The following SNTG2 variants were observed in gnomAD, a reference collection of about 807,000 sequenced individuals.
SNTG2 encodes gamma-2-syntrophin.
A neutral mutation model predicts 70.9 loss-of-function variants in SNTG2; 74 were observed. That is an observed-to-expected ratio of 1.04 (90% CI 0.86 to 1.27). SNTG2 has a LOEUF of 1.27. SNTG2 is among the 50% of genes most tolerant of loss of function. The probability of loss-of-function intolerance (pLI) is 0.00; values close to 1 mark genes in which losing one functional copy is unlikely to be tolerated. For synonymous variants in SNTG2, 278 were observed against 273.8 expected, an observed-to-expected ratio of 1.02 and a Z score of -0.15; for missense variants, 717 against 690.7, an observed-to-expected ratio of 1.04 and a Z score of -0.43.
At chr2:1,267,996 C>T (rs1678838629) in intron 14 of SNTG2, among the ~76,000 whole-genome samples, 2 of 152,200 alleles carry the variant, frequency 1.3e-5, no homozygotes, top group Non-Finnish European at 2.9e-5. Context: ...ATGGTTCTTC[C>T]TCTCAAACTT....
At chr2:1,086,714 A>C (rs1007205058) in intron 2 of SNTG2, among the ~76,000 whole-genome samples, 1 of 152,238 alleles carries the variant, frequency 6.6e-6, no homozygotes, top group African/African-American at 2.4e-5. Flanking sequence ...CTGACAATTC[A>C]GGTTAAAAAT....
chr2:1,051,154 CTCT>C (rs1297834845), intron 1 of SNTG2, among the ~76,000 whole-genome samples: 1 of 145,890 alleles, frequency 6.9e-6, no homozygotes, highest in African/African-American at 2.5e-5. Flanking sequence ...TCCTCCCTCC[CTCT>C]CCCCCTTTCT....
At chr2:1,123,474 AT>A (rs1667508389) in intron 4 of SNTG2, among the ~76,000 whole-genome samples, 2 of 152,242 alleles carry the variant, frequency 1.3e-5, no homozygotes, top group South Asian at 4.1e-4. Flanking sequence ...AGTCTTTTCA[AT>A]AAATGTTGCT....
chr2:1,253,408 C>T (rs1677875317), intron 12 of SNTG2, among the ~76,000 whole-genome samples: 1 of 152,218 alleles, frequency 6.6e-6, no homozygotes, highest in Non-Finnish European at 1.5e-5. Flanking sequence ...GTCACTGCAC[C>T]ATCGTCCTTC....
intron 7 of SNTG2, among the ~76,000 whole-genome samples, chr2:1,166,914 A>G (rs1287192132): frequency 6.6e-6 from 1 of 152,102 alleles, no homozygotes; most frequent in African/African-American, 2.4e-5. Context: ...GGGTGGTTGG[A>G]CGAGACTCCA....
intron 1 of SNTG2, among the ~76,000 whole-genome samples, chr2:1,080,746 G>A (rs1396385761): frequency 6.6e-6 from 1 of 152,162 alleles, no homozygotes; most frequent in Non-Finnish European, 1.5e-5. Context: ...ATGTGGGTGT[G>A]TGTGCAGGTG....
At chr2:1,154,758 G>A (rs1403935293) in intron 6 of SNTG2, among the ~76,000 whole-genome samples, 3 of 152,102 alleles carry the variant, frequency 2.0e-5, no homozygotes, top group East Asian at 1.9e-4. Context: ...CTCTCCTACT[G>A]GCTGAGAAAC....
At chr2:1,307,875 C>T (rs1333939579) in intron 14 of SNTG2, among the ~76,000 whole-genome samples, 1 of 152,242 alleles carries the variant, frequency 6.6e-6, no homozygotes, top group Non-Finnish European at 1.5e-5. Flanking sequence ...TCAGAAGCGG[C>T]ACGTGCTGGT....
chr2:1,095,242 C>T (rs1249687235), intron 2 of SNTG2, among the ~76,000 whole-genome samples: 1 of 152,202 alleles, frequency 6.6e-6, no homozygotes, highest in African/African-American at 2.4e-5. Flanking sequence ...AGGACTTCAA[C>T]ACGGATTTTA....
chr2:1,268,465 C>T (rs1416578357), intron 14 of SNTG2, among the ~76,000 whole-genome samples: 2 of 152,172 alleles, frequency 1.3e-5, no homozygotes, highest in African/African-American at 4.8e-5. Flanking sequence ...ACACTGAGAT[C>T]TCTTAGTCCA....
chr2:1,054,856 C>T (rs1465072043), intron 1 of SNTG2, among the ~76,000 whole-genome samples: 1 of 152,104 alleles, frequency 6.6e-6, no homozygotes, highest in Admixed American at 6.5e-5. Context: ...TTAGGGTCTA[C>T]TATTAAGCAT....
intron 1 of SNTG2, among the ~76,000 whole-genome samples, chr2:1,071,513 AG>A (rs74164487): frequency 0.21 from 18,317 of 85,314 alleles, 1,546 homozygotes; most frequent in East Asian, 0.27. Context: ...GGGTGGGGGG[AG>A]GGGGGAGGGA....
At chr2:1,018,215 T>C (rs1659971814) in intron 1 of SNTG2, among the ~76,000 whole-genome samples, 1 of 152,222 alleles carries the variant, frequency 6.6e-6, no homozygotes, top group Admixed American at 6.5e-5. Flanking sequence ...GGCTGATTGC[T>C]GAAGTGGCTC....
rs779464531 is a variant in SNTG2, at chr2:1,259,388, G to A, written c.1024G>A (p.Val342Met). Residue 342 changes from valine (V) to methionine (M), a missense_variant, in exon 13 of 17, where the codon GTG (valine) becomes ATG (methionine). Val to Met is a conservative substitution (Grantham distance 21). Coordinates refer to ENST00000308624, the MANE Select transcript of SNTG2 (RefSeq NM_018968.4). ...STPPVSTFDW[V>M]RAERTYHLCE... The stretch of plus-strand genomic sequence containing the variant: ...CTTGCAGGTGAGCACATTCGATTGG[G>A]TGCGAGCAGAAAGGACCTATCACCT... 1 of 1,613,992 alleles carries A rather than the reference G, an allele frequency of 6.2e-7. No individual in the cohort carries two copies. Among genetic ancestry groups the A allele is most frequent in the East Asian group, 2.2e-5 (1 of 44,878 alleles).
At chr2:1,226,370 C>CTGA (rs757008878) in intron 9 of SNTG2, among the ~76,000 whole-genome samples, 47 of 152,288 alleles carry the variant, frequency 3.1e-4, no homozygotes, top group Non-Finnish European at 3.5e-4. Context: ...AGTCACCCAG[C>CTGA]TTCATAGAGG....
chr2:1,156,591 A>G (rs1355888163), intron 6 of SNTG2, among the ~76,000 whole-genome samples: 1 of 152,192 alleles, frequency 6.6e-6, no homozygotes, highest in Non-Finnish European at 1.5e-5. Context: ...CACAGAGTGC[A>G]GCCAGGGTGC....
intron 1 of SNTG2, among the ~76,000 whole-genome samples, chr2:1,054,979 G>C (rs1662300302): frequency 6.8e-6 from 1 of 146,234 alleles, no homozygotes; most frequent in East Asian, 2.0e-4. Flanking sequence ...TGATTCCTTT[G>C]GTCTTTATTT....
chr2:1,121,841 A>C (rs549128257), intron 4 of SNTG2, among the ~76,000 whole-genome samples: 31 of 152,330 alleles, frequency 2.0e-4, no homozygotes, highest in Admixed American at 1.7e-3. Flanking sequence ...TTATAATTGA[A>C]GATGAGATTT....
At chr2:1,276,837 G>A in intron 14 of SNTG2, among the ~76,000 whole-genome samples, 1 of 152,196 alleles carries the variant, frequency 6.6e-6, no homozygotes, top group East Asian at 1.9e-4. Context: ...ACTCATGGGA[G>A]GACATCAGAG....
Sources: allele counts gnomAD v4.1 joint callset (sites outside exome capture counted in the v4.1 genomes callset), GRCh38; gene constraint gnomAD v4.1.1; transcripts MANE v1.5; gene names NCBI Gene and HGNC (gene_info 2026-07-23, HGNC 2026-07-21).